The following CTNNBIP1 variants were observed in gnomAD, a reference collection of about 807,000 sequenced individuals.
CTNNBIP1 encodes the protein beta-catenin-interacting protein 1.
CTNNBIP1 carries 7 observed loss-of-function variants against 11.8 expected under a neutral mutation model. The observed-to-expected ratio is 0.60, with a 90% CI of 0.34 to 1.12. The LOEUF (loss-of-function observed/expected upper bound fraction) is 1.12, where lower values mean the gene tolerates loss of function less well. Among genes scored for constraint, CTNNBIP1 ranks in the 50% most tolerant of loss-of-function variants. The pLI is 0.03. For missense variants in CTNNBIP1, 101 were observed against 113.4 expected (o/e 0.89, Z 0.50); for synonymous variants, 58 against 43.9 (o/e 1.32, Z -1.26).
At chr1:9,868,889 G>C (rs1463832787) in intron 5 of CTNNBIP1, among the ~76,000 whole-genome samples, 1 of 152,182 alleles carries the variant, frequency 6.6e-6, no homozygotes, top group Non-Finnish European at 1.5e-5. Flanking sequence ...GCCCACCTTG[G>C]CCTCCCAAAG....
rs567366982 is a variant in CTNNBIP1, at chr1:9,908,256, A to C, written c.-144+1839T>G. On this transcript the variant is annotated intron_variant, in intron 1 of 5. Coordinates refer to ENST00000377263, the MANE Select transcript of CTNNBIP1 (RefSeq NM_020248.3). ...GTATTTTTAGTAGAGACAGGGTTTC[A>C]CCATGTTGGTCAGGATGGTCTCGAA... Among the ~76,000 whole-genome samples the C allele has an allele frequency of 4.8e-4, 73 of 151,510 alleles. 1 individual carries two copies. The highest frequency in any genetic ancestry group is 8.7e-4 in the Non-Finnish European group (59 of 67,922).
intron 5 of CTNNBIP1, among the ~76,000 whole-genome samples, chr1:9,860,129 G>T (rs1043664593): frequency 1.3e-5 from 2 of 152,104 alleles, no homozygotes; most frequent in Non-Finnish European, 1.5e-5. Flanking sequence ...CTGAGCACAA[G>T]TCCTTCCTCC....
intron 1 of CTNNBIP1, among the ~76,000 whole-genome samples, chr1:9,902,767 T>C (rs1328852450): frequency 2.0e-5 from 3 of 152,110 alleles, no homozygotes; most frequent in African/African-American, 4.8e-5. Flanking sequence ...AGAACTTTTT[T>C]TTTTTTCTTT....
chr1:9,859,393 C>T (rs1209760876), intron 5 of CTNNBIP1, among the ~76,000 whole-genome samples: 2 of 152,138 alleles, frequency 1.3e-5, no homozygotes, highest in African/African-American at 4.8e-5. Flanking sequence ...GGCCCCTAGC[C>T]GGGGGCGGGA....
intron 5 of CTNNBIP1, among the ~76,000 whole-genome samples, chr1:9,857,663 T>C (rs1025051124): frequency 2.6e-5 from 4 of 151,858 alleles, no homozygotes; most frequent in African/African-American, 9.7e-5. Flanking sequence ...TAGCCAGATG[T>C]GGTGGTGCGC....
In CTNNBIP1 at chr1:9,851,715, C is replaced by G. The variant is rs1638391394; in HGVS notation, c.188-939G>C. Among the ~76,000 whole-genome samples, 1 of 152,222 alleles carries G rather than the reference C, an allele frequency of 6.6e-6. No homozygotes were observed. Among genetic ancestry groups the G allele is most frequent in the Non-Finnish European group, 1.5e-5 (1 of 68,044 alleles). ...CCTGAATTTGAGATTCTGGCCCAGGCACTTGTGAAATCACGTCCTTTGTCT... is the reference window on the plus strand; with the variant it reads ...CCTGAATTTGAGATTCTGGCCCAGGGACTTGTGAAATCACGTCCTTTGTCT... On this transcript the variant is annotated intron_variant, in intron 5 of 5. Coordinates refer to ENST00000377263, the MANE Select transcript of CTNNBIP1 (RefSeq NM_020248.3). This position sits in a 1 kb window ranked among gnomAD's most constrained non-coding sequence, Gnocchi z 4.8.
intron 1 of CTNNBIP1, chr1:9,893,023 T>A (rs967962280): frequency 1.3e-5 from 2 of 152,158 alleles, no homozygotes; most frequent in African/African-American, 2.4e-5. Context: ...GGAAACGGTA[T>A]CGGGACAAAA....
chr1:9,884,783 G>GGGGCC (rs1639152061), intron 1 of CTNNBIP1, among the ~76,000 whole-genome samples: 1 of 152,142 alleles, frequency 6.6e-6, no homozygotes, highest in African/African-American at 2.4e-5. Context: ...GGGTGAGTGG[G>GGGGCC]AACAGGAGTG....
At chr1:9,860,491 T>A (rs1490118940) in intron 5 of CTNNBIP1, among the ~76,000 whole-genome samples, 5 of 144,442 alleles carry the variant, frequency 3.5e-5, no homozygotes, top group Non-Finnish European at 7.5e-5. Context: ...ATGCCTGTAG[T>A]CCCAGCTACT....
Position 9,871,990 on chromosome 1 carries a change from C to T in CTNNBIP1, c.75G>A (p.Met25Ile). 1 of 1,614,178 alleles carries T rather than the reference C, an allele frequency of 6.2e-7. No homozygotes were observed. Among genetic ancestry groups the T allele is most frequent in the Non-Finnish European group, 8.5e-7 (1 of 1,179,990 alleles). The change falls in exon 4 of 6, where the codon ATG (methionine) becomes ATA (isoleucine). Residue 25 changes from methionine to isoleucine, a missense_variant. By Grantham distance (10) the Met-to-Ile change is conservative (BLOSUM62 1). Coordinates refer to ENST00000377263, the MANE Select transcript of CTNNBIP1 (RefSeq NM_020248.3). This position sits in a 1 kb window ranked among gnomAD's most constrained non-coding sequence, Gnocchi z 5.2. ...YIQQKVRVLL[M>I]LRKMGSNLTA... ...TCACGTTTGATCCCATCTTCCGCAG[C>T]ATGAGCAGCACTCGGACCTTCTGCT...
chr1:9,908,292 C>T (rs1347598337), intron 1 of CTNNBIP1, among the ~76,000 whole-genome samples: 1 of 151,206 alleles, frequency 6.6e-6, no homozygotes, highest in Non-Finnish European at 1.5e-5. Context: ...CTCCTGACCT[C>T]GTGATCTGCC....
intron 5 of CTNNBIP1, among the ~76,000 whole-genome samples, chr1:9,866,611 T>C: frequency 7.0e-6 from 1 of 141,890 alleles, no homozygotes; most frequent in East Asian, 2.1e-4. Flanking sequence ...ACTGGGAAGG[T>C]GGGGGCTGCA....
In CTNNBIP1 at chr1:9,867,096, C is replaced by T. The variant is rs868529407; in HGVS notation, c.187+4091G>A. ...GTTCTCTGTTGAGATCACAGCACTG[C>T]GTGTGGAACAGGGAGAAGAGAGGGG... On this transcript the variant is annotated intron_variant, in intron 5 of 5. Transcript: ENST00000377263. The surrounding 1 kb of genome is among the most constrained non-coding windows in gnomAD (Gnocchi z 4.6). Among the ~76,000 whole-genome samples, 1 of 152,172 alleles carries T rather than the reference C, an allele frequency of 6.6e-6. No homozygotes were observed. Among genetic ancestry groups the T allele is most frequent in the East Asian group, 1.9e-4 (1 of 5,172 alleles).
chr1:9,892,474 G>A (rs1639325538), intron 1 of CTNNBIP1, among the ~76,000 whole-genome samples: 1 of 151,044 alleles, frequency 6.6e-6, no homozygotes, highest in African/African-American at 2.4e-5. Flanking sequence ...GCACCTGTAG[G>A]CCCAGTTACT....
chr1:9,861,247 A>C (rs1012257300), intron 5 of CTNNBIP1, among the ~76,000 whole-genome samples: 1 of 152,232 alleles, frequency 6.6e-6, no homozygotes, highest in Non-Finnish European at 1.5e-5. Flanking sequence ...TACCAGCTCT[A>C]GGGAAAGGCT....
At chr1:9,879,836 G>A (rs1270142243) in intron 2 of CTNNBIP1, among the ~76,000 whole-genome samples, 1 of 152,210 alleles carries the variant, frequency 6.6e-6, no homozygotes, top group Non-Finnish European at 1.5e-5. Flanking sequence ...CTGTATTCCT[G>A]ACTTCCAGGG....
At chr1:9,904,265 A>G (rs758537312) in intron 1 of CTNNBIP1, among the ~76,000 whole-genome samples, 1 of 152,162 alleles carries the variant, frequency 6.6e-6, no homozygotes, top group African/African-American at 2.4e-5. Context: ...CAAGCGTCCT[A>G]TTTGATTCCC....
rs1418171492 is a variant in CTNNBIP1 at position 9,867,176 on chromosome 1, T to C, written c.187+4011A>G. Among the ~76,000 whole-genome samples the C allele has an allele frequency of 6.6e-6, 1 of 151,702 alleles. No homozygotes were observed. The highest frequency in any genetic ancestry group is 1.5e-5 in the Non-Finnish European group (1 of 67,912). Reference sequence around the variant, plus strand: ...AGGGAAGGGAGTGGGAAACAGCCAGTGAGGGGTGACGTGAAGGACAAGGGA... The same window carrying C: ...AGGGAAGGGAGTGGGAAACAGCCAGCGAGGGGTGACGTGAAGGACAAGGGA... On this transcript the variant is annotated intron_variant, in intron 5 of 5. Transcript: ENST00000377263. This position sits in a 1 kb window ranked among gnomAD's most constrained non-coding sequence, Gnocchi z 4.6.
chr1:9,882,465 G>A (rs990512998), intron 2 of CTNNBIP1, among the ~76,000 whole-genome samples: 4 of 152,182 alleles, frequency 2.6e-5, no homozygotes, highest in African/African-American at 9.7e-5. Flanking sequence ...AGAAGGAGGA[G>A]TTGGTAGGGG....
Sources: allele counts gnomAD v4.1 joint callset (sites outside exome capture counted in the v4.1 genomes callset), GRCh38; gene constraint gnomAD v4.1.1; non-coding constraint Gnocchi (gnomAD v3.1); transcripts MANE v1.5; gene names NCBI Gene and HGNC (gene_info 2026-07-23, HGNC 2026-07-21).